The following ASIC2 variants were observed in gnomAD, a reference collection of about 807,000 sequenced individuals.
The protein encoded by ASIC2 is acid sensing ion channel subunit 2, also known as acid-sensing ion channel 2.
ASIC2 carries 25 observed loss-of-function variants against 57.3 expected under a neutral mutation model. That is an observed-to-expected ratio of 0.44 (90% confidence interval 0.32 to 0.61). The LOEUF (loss-of-function observed/expected upper bound fraction) is 0.61, where lower values mean the gene tolerates loss of function less well. ASIC2 is among the 20% of genes least tolerant of loss of function. The pLI is 0.06. For synonymous variants in ASIC2, 319 were observed against 307.5 expected, an observed-to-expected ratio of 1.04 and a Z score of -0.39; for missense variants, 641 against 738.1, an observed-to-expected ratio of 0.87 and a Z score of 1.52.
intron 2 of ASIC2, among the ~76,000 whole-genome samples, chr17:33,089,537 T>C (rs1328913502): frequency 6.6e-6 from 1 of 152,222 alleles, no homozygotes; most frequent in East Asian, 1.9e-4. Context: ...GCCACTAAAT[T>C]TGTGGTAATC....
intron 1 of ASIC2, among the ~76,000 whole-genome samples, chr17:33,634,250 A>G (rs1294207050): frequency 6.6e-6 from 1 of 152,168 alleles, no homozygotes; most frequent in Non-Finnish European, 1.5e-5. Flanking sequence ...TCCAGATTTC[A>G]GGATAATTGC....
At chr17:33,799,637 G>T (rs557035277) in intron 1 of ASIC2, among the ~76,000 whole-genome samples, 65 of 151,142 alleles carry the variant, frequency 4.3e-4, no homozygotes, top group Non-Finnish European at 6.5e-4. Flanking sequence ...TGGGATCAGG[G>T]CATATGAGAT....
chr17:33,581,501 A>C (rs930181538), intron 1 of ASIC2: 1 of 152,192 alleles, frequency 6.6e-6, no homozygotes, highest in Non-Finnish European at 1.5e-5. Context: ...TTGAACAAAG[A>C]CTTGGACAAA....
At chr17:33,549,880 C>T (rs540818297) in intron 1 of ASIC2, among the ~76,000 whole-genome samples, 1 of 152,310 alleles carries the variant, frequency 6.6e-6, no homozygotes, top group African/African-American at 2.4e-5. Context: ...TGGGCTTTAT[C>T]ACCTCCCTGC....
chr17:33,890,681 G>T (rs1314952751), intron 1 of ASIC2, among the ~76,000 whole-genome samples: 1 of 152,108 alleles, frequency 6.6e-6, no homozygotes, highest in Non-Finnish European at 1.5e-5. Flanking sequence ...CCCTTTGCTG[G>T]ATGTTGCCTT....
rs1464211891 is a variant in ASIC2, at chr17:33,045,538, T to C, written c.988-17146A>G. ...AGTTACGCAGGTGTGGCTTGGCTAA[T>C]GGGGGGCTGGCCAGGCACTTTACCT... On this transcript the variant is annotated intron_variant, in intron 3 of 9. Coordinates refer to ENST00000225823, the MANE Select transcript of ASIC2 (RefSeq NM_183377.2). 2.6e-5 allele frequency among the ~76,000 whole-genome samples: 4 copies of C among 152,166 alleles called. No homozygotes were observed. In the East Asian group the frequency reaches 5.8e-4, roughly 22 times the overall value.
intron 2 of ASIC2, among the ~76,000 whole-genome samples, chr17:33,111,161 T>A (rs2092256575): frequency 6.6e-6 from 1 of 152,146 alleles, no homozygotes; most frequent in Non-Finnish European, 1.5e-5. Flanking sequence ...TGTGATTACA[T>A]CAGGCCCATC....
chr17:33,739,016 G>A (rs927462715), intron 1 of ASIC2, among the ~76,000 whole-genome samples: 1 of 152,198 alleles, frequency 6.6e-6, no homozygotes, highest in Non-Finnish European at 1.5e-5. Context: ...CATGTTTAAG[G>A]TAAGAATAAC....
chr17:33,626,424 G>T (rs8068086), intron 1 of ASIC2, among the ~76,000 whole-genome samples: 1 of 151,878 alleles, frequency 6.6e-6, no homozygotes, highest in Admixed American at 6.5e-5. Flanking sequence ...CATTAGTTTT[G>T]CCTTTGAGGA....
At chr17:33,749,182 G>A (rs926789446) in intron 1 of ASIC2, among the ~76,000 whole-genome samples, 1 of 152,130 alleles carries the variant, frequency 6.6e-6, no homozygotes, top group African/African-American at 2.4e-5. Context: ...GAAGGGTGGT[G>A]TGTGATTCTC....
chr17:33,324,195 C>T (rs939823919), intron 1 of ASIC2, among the ~76,000 whole-genome samples: 14 of 152,150 alleles, frequency 9.2e-5, no homozygotes, highest in Admixed American at 5.2e-4. Flanking sequence ...TTAAATCAAG[C>T]ACTGTATTTT....
intron 1 of ASIC2, among the ~76,000 whole-genome samples, chr17:33,831,144 C>T (rs1327617282): frequency 1.1e-5 from 1 of 88,428 alleles, no homozygotes; most frequent in South Asian, 5.4e-4. Flanking sequence ...AAAAAAAAAG[C>T]AAGTCCTTAC....
intron 1 of ASIC2, among the ~76,000 whole-genome samples, chr17:34,145,503 C>T (rs902845810): frequency 6.6e-6 from 1 of 152,208 alleles, no homozygotes; most frequent in East Asian, 1.9e-4. Flanking sequence ...AAGCAATTGT[C>T]TGGCCTCAGC....
At chr17:33,500,193 C>T (rs146046418) in intron 1 of ASIC2, among the ~76,000 whole-genome samples, 128 of 152,312 alleles carry the variant, frequency 8.4e-4, no homozygotes, top group Non-Finnish European at 1.5e-3. Flanking sequence ...TCGGCTGGCA[C>T]ATTCTCTTTT....
intron 1 of ASIC2, among the ~76,000 whole-genome samples, chr17:34,094,375 C>T (rs1385068903): frequency 6.6e-6 from 1 of 152,232 alleles, no homozygotes; most frequent in African/African-American, 2.4e-5. Flanking sequence ...AGAACATCAA[C>T]TCAGGGTGCT....
At chr17:33,777,096 T>C (rs1252236560) in intron 1 of ASIC2, among the ~76,000 whole-genome samples, 1 of 152,150 alleles carries the variant, frequency 6.6e-6, no homozygotes, top group East Asian at 1.9e-4. Flanking sequence ...CTCTTGGGCA[T>C]GGCATCCACA....
rs1597905407 is a variant in ASIC2, at chr17:33,859,103, T to A, written c.555+296875A>T. On this transcript the variant is annotated intron_variant, in intron 1 of 9. Coordinates refer to the ASIC2 transcript ENST00000359872. ...CTAGGGCTGTTTAAGACCAACTGTG[T>A]CCACACACATAAATCTCAATAATTT... Among the ~76,000 whole-genome samples, 2 of 152,222 alleles carry A rather than the reference T, an allele frequency of 1.3e-5. 1 individual carries two copies. The highest frequency in any genetic ancestry group is 4.1e-4 in the South Asian group (2 of 4,832).
At chr17:33,144,374 G>C (rs921703110) in intron 1 of ASIC2, among the ~76,000 whole-genome samples, 24 of 152,012 alleles carry the variant, frequency 1.6e-4, no homozygotes, top group Admixed American at 1.6e-3. Context: ...GGGAAGAGAA[G>C]GGGATGGGAA....
chr17:33,680,562 T>A (rs1014361512), intron 1 of ASIC2: 1 of 152,162 alleles, frequency 6.6e-6, no homozygotes, highest in Non-Finnish European at 1.5e-5. Flanking sequence ...AGAGGAAGTT[T>A]CCAAAGGATT....
Sources: gnomAD v4.1 joint callset for allele counts (sites outside exome capture counted in the v4.1 genomes callset) on GRCh38, gnomAD v4.1.1 for gene constraint, MANE v1.5 for transcripts, NCBI Gene and HGNC (gene_info 2026-07-23, HGNC 2026-07-21) for gene names.